FAM124B: variants seen among roughly 807,000 people sequenced by gnomAD.
FAM124B encodes family with sequence similarity 124 member B.
Under a neutral mutation model 19.7 loss-of-function variants are expected in FAM124B, and 18 were observed. The ratio of observed to expected loss-of-function variants is 0.92; its 90% CI spans 0.63 to 1.36. The LOEUF (loss-of-function observed/expected upper bound fraction) is 1.36. Ranked by LOEUF, FAM124B falls within the 40% of genes most tolerant of loss-of-function variation. The pLI is 0.00. For missense variants in FAM124B, 540 were observed against 553.3 expected (o/e 0.98, Z 0.24); for synonymous variants, 223 against 225.2 (o/e 0.99, Z 0.09).
chr2:224,397,406 C>T (rs1226496759), intron 1 of FAM124B, among the ~76,000 whole-genome samples: 3 of 152,146 alleles, frequency 2.0e-5, no homozygotes, highest in East Asian at 3.9e-4. Context: ...TGCCCAGTCT[C>T]GGGTATGTCT....
intron 1 of FAM124B, among the ~76,000 whole-genome samples, chr2:224,386,788 T>G (rs944714928): frequency 2.0e-5 from 3 of 152,170 alleles, no homozygotes; most frequent in Non-Finnish European, 4.4e-5. Flanking sequence ...GCTATATAAA[T>G]AAATAAATAA....
chr2:224,391,972 C>CT (rs897093491), intron 1 of FAM124B, among the ~76,000 whole-genome samples: 2 of 152,114 alleles, frequency 1.3e-5, no homozygotes, highest in African/African-American at 2.4e-5. Context: ...ATTTTTGGAA[C>CT]TTTTTTTAGC....
At position 224,379,860 on chromosome 2, in the gene FAM124B, T is replaced by C. The variant is rs1273900365; in HGVS notation, c.1081A>G (p.Thr361Ala). The change falls in exon 2 of 2, where the codon ACG (threonine) becomes GCG (alanine). Residue 361 changes from threonine to alanine, a missense_variant. Transcript: ENST00000409685. ...ATGGTCAAGCCGGTGTCAACATTCG[T>C]CTCGGCCTCAAGCTTCTGAAAGCTG... ...ENSFQKLEAE[T>A]NVDTGLTIIN... The C allele has an allele frequency of 6.4e-7, 1 of 1,552,150 alleles. No homozygotes were observed. Among genetic ancestry groups the C allele is most frequent in the Admixed American group, 2.0e-5 (1 of 51,002 alleles).
chr2:224,399,445 G>A (rs764462599), intron 1 of FAM124B: 2 of 152,180 alleles, frequency 1.3e-5, no homozygotes, highest in Non-Finnish European at 2.9e-5. Context: ...AAGTCAAAGT[G>A]ATGACAACAA....
intron 1 of FAM124B, among the ~76,000 whole-genome samples, chr2:224,382,752 A>T (rs1156528391): frequency 3.9e-5 from 6 of 152,124 alleles, no homozygotes; most frequent in African/African-American, 1.2e-4. Flanking sequence ...AGCCCAAAAT[A>T]TGAAGCAATC....
chr2:224,380,072 G>A lies in FAM124B; in HGVS notation c.869C>T (p.Ser290Phe), dbSNP rs1294234649. The change falls in exon 2 of 2, where the codon TCC (serine) becomes TTC (phenylalanine). Residue 290 changes from serine to phenylalanine, a missense_variant. Ser to Phe is a radical substitution (Grantham distance 155, BLOSUM62 -2). Coordinates refer to ENST00000409685, the MANE Select transcript of FAM124B (RefSeq NM_001122779.2). ...AGGAAGCTCCAGAGAATGCCCCTGG[G>A]ACCTCTTGCCCTGGTTCCTCTGGCT... The part of the protein sequence containing the change: ...PRSQRNQGKR[S>F]QGHSLELPEP... 6.4e-7 allele frequency: 1 copy of A among 1,551,550 alleles called. No homozygotes were observed. Among genetic ancestry groups the A allele is most frequent in the African/African-American group, 1.4e-5 (1 of 73,014 alleles).
At chr2:224,393,565 C>G (rs909492418) in intron 1 of FAM124B, among the ~76,000 whole-genome samples, 1 of 152,034 alleles carries the variant, frequency 6.6e-6, no homozygotes, top group Non-Finnish European at 1.5e-5. Flanking sequence ...AGCAGTCACC[C>G]TTATCAAGGA....
At position 224,401,170 on chromosome 2, in the gene FAM124B, T is replaced by A; in HGVS notation, c.599A>T (p.Lys200Ile). The A allele has an allele frequency of 6.2e-7, 1 of 1,614,142 alleles. No individual in the cohort carries two copies. Among genetic ancestry groups the A allele is most frequent in the Non-Finnish European group, 8.5e-7 (1 of 1,180,026 alleles). Residue 200 changes from lysine (K) to isoleucine (I), a missense_variant, in exon 1 of 2, where the codon AAA becomes ATA. By Grantham distance (102) the Lys-to-Ile change is moderately radical (BLOSUM62 -3). Transcript: ENST00000409685. ...QLPPGMSVDP[K>I]ESSVLQFKVQ... ...CTTAAACTGCAGCACCGAAGACTCT[T>A]TGGGGTCCACTGACATTCCCGGGGG...
chr2:224,389,044 G>C (rs1473376029), intron 1 of FAM124B, among the ~76,000 whole-genome samples: 2 of 152,174 alleles, frequency 1.3e-5, no homozygotes, highest in Non-Finnish European at 2.9e-5. Context: ...CCAATTCTCT[G>C]CCTCAGCCTC....
At chr2:224,380,389 C>A (rs941685102) in intron 1 of FAM124B, among the ~76,000 whole-genome samples, 181 bp from the exon 2 acceptor site, 2 of 152,090 alleles carry the variant, frequency 1.3e-5, no homozygotes, top group Non-Finnish European at 2.9e-5. Context: ...TCAGACCCAG[C>A]CCCAAATACC....
chr2:224,392,867 C>T (rs1355946995), intron 1 of FAM124B, among the ~76,000 whole-genome samples: 1 of 152,120 alleles, frequency 6.6e-6, no homozygotes, highest in Non-Finnish European at 1.5e-5. Context: ...ATAACCTAGG[C>T]CAGGGCAGTC....
chr2:224,387,962 G>C (rs565522714), intron 1 of FAM124B, among the ~76,000 whole-genome samples: 1 of 152,194 alleles, frequency 6.6e-6, no homozygotes, highest in Non-Finnish European at 1.5e-5. Flanking sequence ...TGAAACACAT[G>C]CTTGCTTATG....
rs916446312 is a variant in FAM124B, at chr2:224,378,698, T to C, written c.*875A>G. 1 of 152,334 alleles carries C rather than the reference T, an allele frequency of 6.6e-6. No homozygotes were observed. The highest frequency in any genetic ancestry group is 1.9e-4 in the East Asian group (1 of 5,192). The allele number at this position is 152,334 out of a possible 1,614,324, so 9.4% of individuals were successfully genotyped here. ...ATATACACAATGTCTTATTCAAATG[T>C]AGGTATTCAAAAAATGTTTATTGAA... On this transcript the variant is annotated 3_prime_UTR_variant, in exon 2 of 2. Transcript: ENST00000409685.
rs978761655 is a variant in FAM124B at position 224,379,386 on chromosome 2, G to A, written c.*187C>T. 1.8e-5 allele frequency: 15 copies of A among 851,754 alleles called. No homozygotes were observed. The highest frequency in any genetic ancestry group is 6.7e-5 in the Admixed American group (2 of 29,806). The allele number at this position is 851,754 out of a possible 1,614,324, so 52.8% of individuals were successfully genotyped here. ...GGCTGTGTTCTCTTATGACTGTGAC[G>A]GCAAATAAACAATCATTCCCAGCAC... On this transcript the variant is annotated 3_prime_UTR_variant, in exon 2 of 2. Coordinates refer to ENST00000409685, the MANE Select transcript of FAM124B (RefSeq NM_001122779.2).
Position 224,386,180 on chromosome 2 carries a change from C to T in FAM124B, c.733-5972G>A, listed in dbSNP as rs114485782. Among the ~76,000 whole-genome samples the T allele has an allele frequency of 5.3e-3, 814 of 152,320 alleles. 7 individuals carry two copies. Among genetic ancestry groups the T allele is most frequent in the African/African-American group, 0.019 (780 of 41,566 alleles). ...ACTGTCTGCCTCTTCTTATACCACGCTGGTAATTCACCACTTTCTCCCTTT... is the reference window on the plus strand; with the variant it reads ...ACTGTCTGCCTCTTCTTATACCACGTTGGTAATTCACCACTTTCTCCCTTT... On this transcript the variant is annotated intron_variant, in intron 1 of 1. Transcript: ENST00000409685.
At chr2:224,397,029 C>CTTTTA (rs1262357460) in intron 1 of FAM124B, among the ~76,000 whole-genome samples, 1 of 152,024 alleles carries the variant, frequency 6.6e-6, no homozygotes, top group African/African-American at 2.4e-5. Context: ...GCTGGATTTT[C>CTTTTA]TTTTCTTTTC....
At chr2:224,386,179 G>A (rs1227630204) in intron 1 of FAM124B, among the ~76,000 whole-genome samples, 2 of 152,084 alleles carry the variant, frequency 1.3e-5, no homozygotes, top group East Asian at 1.9e-4. Context: ...CTTATACCAC[G>A]CTGGTAATTC....
rs1029524533 is a variant in FAM124B at position 224,401,924 on chromosome 2, G to A, written c.-156C>T. On this transcript the variant is annotated 5_prime_UTR_variant, in exon 1 of 2. It adds an upstream start codon to the 5' untranslated region. Coordinates refer to ENST00000409685, the MANE Select transcript of FAM124B (RefSeq NM_001122779.2). Reference sequence around the variant, plus strand: ...GCAGAGCTCTTAACCAGACTAACACGTGCTCCTGGCCACCCGTGGACTTAC... The same window carrying A: ...GCAGAGCTCTTAACCAGACTAACACATGCTCCTGGCCACCCGTGGACTTAC... 7.0e-6 allele frequency: 6 copies of A among 859,938 alleles called. No homozygotes were observed. The highest frequency in any genetic ancestry group is 6.8e-5 in the African/African-American group (4 of 58,564). The allele number at this position is 859,938 out of a possible 1,614,324, so 53.3% of individuals were successfully genotyped here. A position where few individuals can be genotyped will look rare whatever the true frequency, so the allele number is the denominator to read the frequency against.
intron 1 of FAM124B, among the ~76,000 whole-genome samples, chr2:224,388,846 A>C (rs1193760255): frequency 6.6e-6 from 1 of 152,230 alleles, no homozygotes; most frequent in Non-Finnish European, 1.5e-5. Context: ...TAGAAAGCAA[A>C]GGTGTGGGAG....
Sources: allele counts gnomAD v4.1 joint callset (sites outside exome capture counted in the v4.1 genomes callset), GRCh38; gene constraint gnomAD v4.1.1; transcripts MANE v1.5; gene names NCBI Gene and HGNC (gene_info 2026-07-23, HGNC 2026-07-21).